Variants in CDH23 observed in about 807,000 individuals in gnomAD.
CDH23 encodes the protein cadherin related 23, also known as cadherin-23.
Under a neutral mutation model 317.1 loss-of-function variants are expected in CDH23, and 189 were observed. The observed-to-expected ratio is 0.60, with a 90% CI of 0.53 to 0.67. CDH23 has a LOEUF of 0.67. CDH23 is among the 30% of genes least tolerant of loss of function. The pLI is 0.00. For missense variants in CDH23, 4,401 were observed against 4,592.4 expected, an observed-to-expected ratio of 0.96 and a Z score of 1.20; for synonymous variants, 1,839 against 1,876.8, an observed-to-expected ratio of 0.98 and a Z score of 0.52.
At chr10:71,616,616 A>G (rs1298984570) in intron 10 of CDH23, among the ~76,000 whole-genome samples, 2 of 152,228 alleles carry the variant, frequency 1.3e-5, no homozygotes, top group Non-Finnish European at 2.9e-5. Context: ...ATTGAAAGGT[A>G]TCTGTTCCTG....
At chr10:71,538,141 C>T (rs544239380) in intron 6 of CDH23, among the ~76,000 whole-genome samples, 145 of 152,306 alleles carry the variant, frequency 9.5e-4, no homozygotes, top group African/African-American at 3.4e-3. Context: ...TGGCCCTACC[C>T]GCCCCCACCA....
intron 3 of CDH23, among the ~76,000 whole-genome samples, chr10:71,476,482 C>T (rs1301673803): frequency 6.6e-6 from 1 of 152,174 alleles, no homozygotes; most frequent in African/African-American, 2.4e-5. Context: ...GTGTCCCCAG[C>T]TCCAATTTGC....
At chr10:71,703,308 C>T (rs1865660686) in intron 24 of CDH23, among the ~76,000 whole-genome samples, 1 of 152,236 alleles carries the variant, frequency 6.6e-6, no homozygotes. Context: ...TTCAGAAACA[C>T]TGGAGACCCT....
intron 9 of CDH23, among the ~76,000 whole-genome samples, chr10:71,610,714 AC>A: frequency 1.0e-5 from 1 of 99,316 alleles, no homozygotes. Flanking sequence ...CCACCCCCCG[AC>A]CCCTGCCCAG....
chr10:71,725,296 C>A, intron 29 of CDH23, 76 bp from the exon 30 acceptor site: 4 of 1,605,736 alleles, frequency 2.5e-6, no homozygotes, highest in Non-Finnish European at 3.4e-6. Flanking sequence ...ACTTCTGCCC[C>A]CAACCATGGC....
intron 6 of CDH23, among the ~76,000 whole-genome samples, chr10:71,535,639 G>A (rs1418412139): frequency 6.6e-6 from 1 of 152,238 alleles, no homozygotes; most frequent in Non-Finnish European, 1.5e-5. Flanking sequence ...TGTTCTGCCT[G>A]GTAGCCAGTT....
chr10:71,803,072 G>T lies in CDH23; in HGVS notation c.7657G>T (p.Val2553Leu). 1 of 1,608,542 alleles carries T rather than the reference G, an allele frequency of 6.2e-7. No homozygotes were observed. The highest frequency in any genetic ancestry group is 8.5e-7 in the Non-Finnish European group (1 of 1,175,558). Reference sequence around the variant, plus strand: ...GACCTACTCACTTGAGGGCCCTGGCGTGGGTATGTGGCCTTCCTTGGACAC... The same window carrying T: ...GACCTACTCACTTGAGGGCCCTGGCTTGGGTATGTGGCCTTCCTTGGACAC... ...ELTYSLEGPG[V>L]EAFHVDMDSG... Residue 2553 changes from valine (V) to leucine (L), a missense_variant, in exon 54 of 70, where the codon GTG becomes TTG. This residue lies in a region of CDH23 where 1,144 missense variants were observed against 1,138.2 expected (regional missense o/e 1.01). Coordinates refer to ENST00000224721, the MANE Select transcript of CDH23 (RefSeq NM_022124.6).
chr10:71,771,725 G>A (rs1290044265), intron 38 of CDH23, among the ~76,000 whole-genome samples: 1 of 152,206 alleles, frequency 6.6e-6, no homozygotes, highest in Non-Finnish European at 1.5e-5. Flanking sequence ...TGTTTGAGTA[G>A]CCAAGACCTC....
At chr10:71,804,190 C>G (rs1377760382) in intron 55 of CDH23, among the ~76,000 whole-genome samples, 1 of 152,150 alleles carries the variant, frequency 6.6e-6, no homozygotes, top group African/African-American at 2.4e-5. Context: ...TTCCCCCATA[C>G]TTGTCTCAGA....
chr10:71,516,669 G>A (rs2024350419), intron 6 of CDH23, among the ~76,000 whole-genome samples: 1 of 152,212 alleles, frequency 6.6e-6, no homozygotes, highest in African/African-American at 2.4e-5. Flanking sequence ...TCCTGGGGTA[G>A]CCACTCTTGT....
At chr10:71,663,327 C>T (rs1863756354) in intron 14 of CDH23, among the ~76,000 whole-genome samples, 1 of 152,240 alleles carries the variant, frequency 6.6e-6, no homozygotes, top group African/African-American at 2.4e-5. Flanking sequence ...CGACCCGTCT[C>T]TGAACCACCC....
chr10:71,568,065 A>G (rs1221946446), intron 7 of CDH23, among the ~76,000 whole-genome samples: 6 of 152,218 alleles, frequency 3.9e-5, no homozygotes, highest in Non-Finnish European at 1.5e-5. Context: ...GGGTGCCCCC[A>G]GACTTGGCCA....
intron 3 of CDH23, among the ~76,000 whole-genome samples, chr10:71,475,133 C>T (rs528194760): frequency 6.6e-6 from 1 of 152,292 alleles, no homozygotes; most frequent in East Asian, 1.9e-4. Context: ...CTGGTCAGAG[C>T]TGTGTAACCT....
At chr10:71,712,296 T>C (rs1866002576) in intron 27 of CDH23, 1 of 189,282 alleles carries the variant, frequency 5.3e-6, no homozygotes, top group African/African-American at 2.3e-5. Flanking sequence ...TTTTCCCAAA[T>C]AAATTAATCT....
intron 38 of CDH23, chr10:71,749,738 G>A (rs1839946358): frequency 6.6e-6 from 1 of 152,366 alleles, no homozygotes; most frequent in African/African-American, 2.4e-5. Context: ...TCCAGGTGGG[G>A]TTCCCTGGCT....
chr10:71,683,934 A>G (rs1018573296), intron 18 of CDH23, among the ~76,000 whole-genome samples: 1 of 152,082 alleles, frequency 6.6e-6, no homozygotes, highest in South Asian at 2.1e-4. Context: ...TACAAAAATT[A>G]GCCAGGCATC....
intron 28 of CDH23, chr10:71,716,045 A>G: frequency 6.6e-7 from 1 of 1,505,348 alleles, no homozygotes; most frequent in Non-Finnish European, 8.9e-7. Context: ...GTGCAGGGAG[A>G]GGCGCAAGGA....
intron 16 of CDH23, among the ~76,000 whole-genome samples, chr10:71,679,016 G>A (rs1031663418): frequency 5.3e-5 from 8 of 152,166 alleles, no homozygotes; most frequent in African/African-American, 1.9e-4. Flanking sequence ...CCGGGAGTCA[G>A]GGAGGGCATC....
At chr10:71,532,711 G>A (rs113960263) in intron 6 of CDH23, among the ~76,000 whole-genome samples, 3 of 128,098 alleles carry the variant, frequency 2.3e-5, no homozygotes, top group Non-Finnish European at 3.5e-5. Context: ...TTTTGTTTTT[G>A]TTTTTTTTTT....
Sources: allele counts gnomAD v4.1 joint callset (sites outside exome capture counted in the v4.1 genomes callset), GRCh38; gene constraint gnomAD v4.1.1; regional missense constraint gnomAD v4.1.1; transcripts MANE v1.5; gene names NCBI Gene and HGNC (gene_info 2026-07-23, HGNC 2026-07-21).